PRLR: variants seen among roughly 807,000 people sequenced by gnomAD.
PRLR encodes hPRL receptor.
Under a neutral mutation model 40.2 loss-of-function variants are expected in PRLR, and 13 were observed. The ratio of observed to expected loss-of-function variants is 0.32; its 90% CI spans 0.21 to 0.51. The LOEUF (loss-of-function observed/expected upper bound fraction) is 0.51, where lower values mean the gene tolerates loss of function less well. PRLR is among the 20% of genes least tolerant of loss of function. The pLI is 0.97. For missense variants in PRLR, 656 were observed against 747.3 expected (o/e 0.88, Z 1.42); for synonymous variants, 269 against 278.7 (o/e 0.97, Z 0.35).
At chr5:35,048,903 G>A (rs1768376277) in exon 9 of PRLR, 1 of 339,310 alleles carries the variant, frequency 2.9e-6, no homozygotes, top group African/African-American at 2.1e-5. Context: ...AGGGGGTCGA[G>A]GGACTGGGGA....
chr5:35,089,135 CA>C (rs1771048876), intron 3 of PRLR, among the ~76,000 whole-genome samples: 1 of 152,160 alleles, frequency 6.6e-6, no homozygotes, highest in African/African-American at 2.4e-5. Flanking sequence ...TCTTATATCC[CA>C]TTATGGTTTT....
chr5:35,147,119 T>C (rs1035591978), intron 1 of PRLR, among the ~76,000 whole-genome samples: 5 of 152,212 alleles, frequency 3.3e-5, no homozygotes, highest in African/African-American at 1.2e-4. Flanking sequence ...TGTCCTACCA[T>C]AGGTAACTGC....
intron 1 of PRLR, among the ~76,000 whole-genome samples, chr5:35,138,032 A>T (rs929385409): frequency 1.3e-5 from 2 of 152,218 alleles, no homozygotes; most frequent in African/African-American, 4.8e-5. Context: ...ACATACTTAA[A>T]GAGAGTATAG....
In PRLR at chr5:35,065,902, C is replaced by T. The variant is rs775453931; in HGVS notation, c.1056G>A (p.Gly352=). 6 of 1,614,090 alleles carry T rather than the reference C, an allele frequency of 3.7e-6. No homozygotes were observed. In the East Asian group the frequency reaches 6.7e-5, roughly 18 times the overall value. Residue 352 remains glycine (G), a synonymous_variant, in exon 10 of 10, where the codon GGG becomes GGA. Transcript: ENST00000618457. ...ACAAAAGGGAAGGGCTGTCACAGCT[C>T]CCCCGGCCTGAGTCAGTGTCAGGAT... is the stretch of plus-strand genomic sequence containing the variant. ...YLDPDTDSGR[G]SCDSPSLLSE...
At chr5:35,229,975 G>A (rs572070542) in intron 1 of PRLR, among the ~76,000 whole-genome samples, 24 of 152,342 alleles carry the variant, frequency 1.6e-4, no homozygotes, top group African/African-American at 5.1e-4. Flanking sequence ...AATGCGAGCC[G>A]AGTGCAGTTT....
intron 2 of PRLR, among the ~76,000 whole-genome samples, chr5:35,094,663 C>T (rs1051850391): frequency 3.1e-4 from 47 of 152,170 alleles, no homozygotes; most frequent in African/African-American, 9.2e-4. Context: ...TACATTCATC[C>T]GTTGTTTTCA....
chr5:35,108,899 A>G (rs1240757128), intron 2 of PRLR, among the ~76,000 whole-genome samples: 1 of 152,176 alleles, frequency 6.6e-6, no homozygotes, highest in Non-Finnish European at 1.5e-5. Flanking sequence ...AAAAGATCCC[A>G]CATTGCCAAG....
chr5:35,213,196 C>T (rs1776211658), intron 1 of PRLR, among the ~76,000 whole-genome samples: 1 of 152,112 alleles, frequency 6.6e-6, no homozygotes, highest in Admixed American at 6.5e-5. Context: ...AAGGAGATCC[C>T]CATGAAATAC....
chr5:35,150,215 A>G (rs1221811074), intron 1 of PRLR, among the ~76,000 whole-genome samples: 1 of 152,196 alleles, frequency 6.6e-6, no homozygotes, highest in African/African-American at 2.4e-5. Context: ...TTCTTGCTTC[A>G]GTCTATCATA....
intron 1 of PRLR, among the ~76,000 whole-genome samples, chr5:35,152,036 A>C (rs1401396823): frequency 3.9e-5 from 6 of 152,212 alleles, no homozygotes; most frequent in Non-Finnish European, 7.3e-5. Flanking sequence ...GAAATTCACA[A>C]AGGGTACATA....
chr5:35,109,639 G>T (rs1262217289), intron 2 of PRLR, among the ~76,000 whole-genome samples: 2 of 152,198 alleles, frequency 1.3e-5, no homozygotes, highest in Non-Finnish European at 2.9e-5. Context: ...CTGGCCATCA[G>T]AGAAATGCAA....
chr5:35,117,594 C>T (rs1305306713), intron 2 of PRLR, among the ~76,000 whole-genome samples: 1 of 152,198 alleles, frequency 6.6e-6, no homozygotes, highest in Non-Finnish European at 1.5e-5. Flanking sequence ...CACATGAGTC[C>T]TGCCATGAGG....
In PRLR at chr5:35,057,309, G is replaced by A. The variant is rs1425297941; in HGVS notation, c.*7780C>T. On this transcript the variant is annotated 3_prime_UTR_variant, in exon 10 of 10. Coordinates refer to ENST00000618457, the MANE Select transcript of PRLR (RefSeq NM_000949.7). ...TTACATAAACAATGTCCTGATTATA[G>A]ATCTTTTGGTAACAAGAAATGTCCA... 6.6e-6 allele frequency: 1 copy of A among 152,018 alleles called. No individual in the cohort carries two copies. The highest frequency in any genetic ancestry group is 1.5e-5 in the Non-Finnish European group (1 of 67,988). The allele number at this position is 152,018 out of a possible 1,614,324, so 9.4% of individuals were successfully genotyped here.
At chr5:35,209,076 A>C (rs543852886) in intron 1 of PRLR, among the ~76,000 whole-genome samples, 22 of 152,248 alleles carry the variant, frequency 1.4e-4, no homozygotes, top group African/African-American at 5.1e-4. Flanking sequence ...TTTGAAAAAT[A>C]TGTATACAAT....
rs140125265 is a variant in PRLR at position 35,103,270 on chromosome 5, A to C, written c.-43-13607T>G. Among the ~76,000 whole-genome samples the C allele has an allele frequency of 2.0e-3, 303 of 152,306 alleles. 2 individuals are homozygous for C. The highest frequency in any genetic ancestry group is 5.8e-3 in the African/African-American group (242 of 41,580). On this transcript the variant is annotated intron_variant, in intron 2 of 9. Transcript: ENST00000618457. ...TATGGTATAGTATGTTTAACATTTT[A>C]AAAGGTAAGCGCTATTGTCAATTAT... is the stretch of plus-strand genomic sequence containing the variant.
At chr5:35,086,411 A>G (rs1770853033) in intron 3 of PRLR, 71 bp from the exon 4 acceptor site, 1 of 1,567,362 alleles carries the variant, frequency 6.4e-7, no homozygotes, top group African/African-American at 1.4e-5. Flanking sequence ...TGCTGGTGAC[A>G]GAAACAGATT....
chr5:35,053,520 G>GT (rs1170615901), downstream of PRLR, among the ~76,000 whole-genome samples: 1 of 152,192 alleles, frequency 6.6e-6, no homozygotes, highest in African/African-American at 2.4e-5. Flanking sequence ...GGGTGTGGTG[G>GT]TGTGGGCCTG....
intron 1 of PRLR, among the ~76,000 whole-genome samples, chr5:35,190,824 ATCT>A (rs1296174837): frequency 3.3e-5 from 5 of 152,076 alleles, no homozygotes; most frequent in Admixed American, 6.5e-5. Context: ...CCAAAGACAA[ATCT>A]TCTTTCCAAC....
rs960423652 is a variant in PRLR, at chr5:35,058,987, C to G, written c.*6102G>C. The G allele has an allele frequency of 3.3e-5, 5 of 152,130 alleles. No individual in the cohort carries two copies. Among genetic ancestry groups the G allele is most frequent in the African/African-American group, 1.2e-4 (5 of 41,432 alleles). The allele number at this position is 152,130 out of a possible 1,614,324, so 9.4% of individuals were successfully genotyped here. ...TTCAAAATTAGCTTTTCAGGAATTT[C>G]ATAAAACAAATTATTTTTCAGCGGT... On this transcript the variant is annotated 3_prime_UTR_variant, in exon 10 of 10. Transcript: ENST00000618457.
Sources: gnomAD v4.1 joint callset for allele counts (sites outside exome capture counted in the v4.1 genomes callset) on GRCh38, gnomAD v4.1.1 for gene constraint, MANE v1.5 for transcripts, NCBI Gene and HGNC (gene_info 2026-07-23, HGNC 2026-07-21) for gene names.